The following SP4 variants were observed in gnomAD, a reference collection of about 807,000 sequenced individuals.
SP4 encodes the protein transcription factor Sp4.
In SP4, 19 loss-of-function variants were observed where a neutral mutation model predicts 72.8. The observed-to-expected ratio is 0.26, with a 90% confidence interval of 0.18 to 0.38. The LOEUF is 0.38. Ranked by LOEUF, SP4 falls within the 10% of genes least tolerant of loss-of-function variation. The pLI is 1.00. For missense variants in SP4, 1,008 were observed against 926.3 expected (o/e 1.09, Z -1.14); for synonymous variants, 395 against 333.1 (o/e 1.19, Z -2.02).
Position 21,511,587 on chromosome 7 carries a change from G to T in SP4, c.*318G>T. 4.5e-6 allele frequency: 1 copy of T among 224,042 alleles called. No homozygotes were observed. The highest frequency in any genetic ancestry group is 9.5e-5 in the East Asian group (1 of 10,524). The allele number at this position is 224,042 out of a possible 1,614,324, so 13.9% of individuals were successfully genotyped here. A position where few individuals can be genotyped will look rare whatever the true frequency, so the allele number is the denominator to read the frequency against. On this transcript the variant is annotated 3_prime_UTR_variant, in exon 6 of 6. Transcript: ENST00000222584. ...TGTTAACATGTTTAAAAAGACCTTA[G>T]TAGTTTGCAGGCTGGACCTTAATTG...
chr7:21,428,176 T>TCCAGCCCCCCCCC lies in SP4; in HGVS notation c.-74_-73insAGCCCCCCCCCCC. The TCCAGCCCCCCCCC allele has an allele frequency of 1.4e-6, 1 of 718,776 alleles. No homozygotes were observed. Among genetic ancestry groups the TCCAGCCCCCCCCC allele is most frequent in the Non-Finnish European group, 2.5e-6 (1 of 396,140 alleles). 44.5% of individuals were successfully genotyped at this position (718,776 alleles called of 1,614,324 possible). On this transcript the variant is annotated 5_prime_UTR_variant, in exon 1 of 6. Transcript: ENST00000222584. Reference sequence around the variant, plus strand: ...ACCGCGGGCGGGCGGGACCGGCCTCTCCTCCCGCCTCGCCCCCACCCCCAC... The same window carrying TCCAGCCCCCCCCC: ...ACCGCGGGCGGGCGGGACCGGCCTCTCCAGCCCCCCCCCCCTCCCGCCTCGCCCCCACCCCCAC...
At chr7:21,449,531 A>T (rs1393811622) in intron 3 of SP4, among the ~76,000 whole-genome samples, 3 of 152,186 alleles carry the variant, frequency 2.0e-5, no homozygotes, top group Non-Finnish European at 4.4e-5. Context: ...ACTGAAATAC[A>T]TATGCGTGTA....
intron 3 of SP4, among the ~76,000 whole-genome samples, chr7:21,450,612 T>C (rs548306159): frequency 7.2e-5 from 11 of 152,294 alleles, no homozygotes; most frequent in African/African-American, 2.2e-4. Flanking sequence ...GATATAATTA[T>C]GGTGGAAGAA....
chr7:21,511,090 G>A lies in SP4; in HGVS notation c.2176G>A (p.Val726Ile), dbSNP rs746879556. The A allele has an allele frequency of 1.2e-6, 2 of 1,613,988 alleles. No individual in the cohort carries two copies. Among genetic ancestry groups the A allele is most frequent in the African/African-American group, 2.7e-5 (2 of 74,906 alleles). The change falls in exon 6 of 6, where the codon GTC (valine) becomes ATC (isoleucine). Residue 726 changes from valine (V) to isoleucine (I), a missense_variant. Physicochemically the swap from Val to Ile is conservative, Grantham distance 29. This residue lies in a region of SP4 where 48 missense variants were observed against 117.0 expected (regional missense o/e 0.41). Coordinates refer to ENST00000222584, the MANE Select transcript of SP4 (RefSeq NM_003112.5). Reference sequence around the variant, plus strand: ...GCGGAGTGATCATCTCTCCAAACATGTCAAAACGCACCAGAATAAAAAAGG... The same window carrying A: ...GCGGAGTGATCATCTCTCCAAACATATCAAAACGCACCAGAATAAAAAAGG... ...FMRSDHLSKH[V>I]KTHQNKKGGG...
At chr7:21,444,325 T>G (rs1342488489) in intron 3 of SP4, among the ~76,000 whole-genome samples, 1 of 152,220 alleles carries the variant, frequency 6.6e-6, no homozygotes, top group Non-Finnish European at 1.5e-5. Flanking sequence ...AACCTTATGT[T>G]TGTTTTATAT....
At position 21,498,736 on chromosome 7, in the gene SP4, A is replaced by G. The variant is rs142484621; in HGVS notation, c.2108-12286A>G. On this transcript the variant is annotated intron_variant, in intron 5 of 5. Coordinates refer to ENST00000222584, the MANE Select transcript of SP4 (RefSeq NM_003112.5). ...GCCTTAATGATCATAGTCAATTAAC[A>G]CGTATTTTGCATGTTATATGTATAA... is the stretch of plus-strand genomic sequence containing the variant. 6.6e-4 allele frequency among the ~76,000 whole-genome samples: 101 copies of G among 152,324 alleles called. 2 individuals carry two copies. In the East Asian group the frequency reaches 0.017, roughly 25 times the overall value.
chr7:21,463,828 T>G (rs1784077101), intron 3 of SP4, among the ~76,000 whole-genome samples: 1 of 152,194 alleles, frequency 6.6e-6, no homozygotes, highest in South Asian at 2.1e-4. Flanking sequence ...ATCACTCAAA[T>G]TAGAATACTT....
intron 3 of SP4, among the ~76,000 whole-genome samples, chr7:21,461,543 G>C (rs369178207): frequency 1.1e-4 from 17 of 152,322 alleles, no homozygotes; most frequent in African/African-American, 4.1e-4. Flanking sequence ...TCCAAGTGCA[G>C]GGCCCGCCAA....
intron 3 of SP4, among the ~76,000 whole-genome samples, chr7:21,466,872 G>A (rs1005800890): frequency 1.3e-5 from 2 of 151,634 alleles, no homozygotes; most frequent in Non-Finnish European, 2.9e-5. Flanking sequence ...ATTCCCAAAT[G>A]TATGTAGCTC....
chr7:21,430,544 C>T lies in SP4; in HGVS notation c.1379C>T (p.Thr460Ile). ...NPTQVLIRAP[T>I]LTPSGQISWQ... ...ACTCAGGTGCTTATCAGGGCTCCAA[C>T]TTTAACACCTTCAGGGCAAATCAGT... Residue 460 changes from threonine (T) to isoleucine (I), a missense_variant, in exon 3 of 6, where the codon ACT becomes ATT. Transcript: ENST00000222584. 6.2e-7 allele frequency: 1 copy of T among 1,614,238 alleles called. No homozygotes were observed. The highest frequency in any genetic ancestry group is 8.5e-7 in the Non-Finnish European group (1 of 1,180,032).
chr7:21,429,968 T>G lies in SP4; in HGVS notation c.803T>G (p.Leu268Trp). Residue 268 changes from leucine (L) to tryptophan (W), a missense_variant, in exon 3 of 6, where the codon TTG becomes TGG. Around this residue, in one of 3 missense-constraint regions of SP4, gnomAD observed 893 missense variants for 743.3 expected, o/e 1.20. Transcript: ENST00000222584. ...AACATTGGAGGAGTGACTCTAGCTT[T>G]GCCAGTGATAAACAACGTGGCTGCC... Reference protein sequence around the residue: ...PINIGGVTLALPVINNVAAGG... With the variant: ...PINIGGVTLAWPVINNVAAGG... 1 of 1,614,216 alleles carries G rather than the reference T, an allele frequency of 6.2e-7. No homozygotes were observed. The highest frequency in any genetic ancestry group is 1.7e-5 in the Admixed American group (1 of 60,030).
chr7:21,439,788 C>T (rs1441423687), intron 3 of SP4, among the ~76,000 whole-genome samples: 2 of 152,118 alleles, frequency 1.3e-5, no homozygotes, highest in African/African-American at 4.8e-5. Flanking sequence ...GTCCCAGCCA[C>T]TCAGGTGGCT....
At chr7:21,494,983 C>T (rs1684472471) in intron 5 of SP4, among the ~76,000 whole-genome samples, 1 of 152,030 alleles carries the variant, frequency 6.6e-6, no homozygotes, top group African/African-American at 2.4e-5. Context: ...AAAAACAGTT[C>T]AGTAAAGAAA....
At chr7:21,432,981 G>T (rs932953635) in intron 3 of SP4, among the ~76,000 whole-genome samples, 4 of 152,136 alleles carry the variant, frequency 2.6e-5, no homozygotes, top group African/African-American at 4.8e-5. Flanking sequence ...GTGACAGAGC[G>T]AGACCCTCTC....
chr7:21,432,039 A>G (rs1782875960), intron 3 of SP4, among the ~76,000 whole-genome samples: 3 of 152,260 alleles, frequency 2.0e-5, no homozygotes, highest in African/African-American at 7.2e-5. Flanking sequence ...AGCGCTATCC[A>G]GCAGAACTGT....
At chr7:21,445,530 G>C (rs978949770) in intron 3 of SP4, among the ~76,000 whole-genome samples, 5 of 152,080 alleles carry the variant, frequency 3.3e-5, no homozygotes, top group Admixed American at 6.6e-5. Context: ...ATCGCATATT[G>C]TTCTAGGTGC....
chr7:21,429,939 A>T lies in SP4; in HGVS notation c.774A>T (p.Pro258=). Residue 258 remains proline (P), a synonymous_variant, in exon 3 of 6, where the codon CCA becomes CCT. Transcript: ENST00000222584. ...GTQAQVVTTL[P]INIGGVTLAL... is the part of the protein sequence containing the mutation. ...AGGCTCAAGTTGTAACAACCCTACC[A>T]ATTAACATTGGAGGAGTGACTCTAG... is the stretch of plus-strand genomic sequence containing the variant. 1 of 1,614,158 alleles carries T rather than the reference A, an allele frequency of 6.2e-7. No homozygotes were observed. Among genetic ancestry groups the T allele is most frequent in the South Asian group, 1.1e-5 (1 of 91,086 alleles).
At chr7:21,444,588 G>A (rs1783362765) in intron 3 of SP4, among the ~76,000 whole-genome samples, 1 of 152,154 alleles carries the variant, frequency 6.6e-6, no homozygotes, top group Admixed American at 6.5e-5. Flanking sequence ...TCTGTATACT[G>A]TAGTGTTTGT....
rs1583457027 is a variant in SP4, at chr7:21,513,985, G to A, written c.*2716G>A. ...CTGTTATAAGTAATAGGGCACAGAT[G>A]TGCAGTAGAGTCTTGTTTAATGGCA... On this transcript the variant is annotated 3_prime_UTR_variant, in exon 6 of 6. Coordinates refer to ENST00000222584, the MANE Select transcript of SP4 (RefSeq NM_003112.5). 1 of 152,608 alleles carries A rather than the reference G, an allele frequency of 6.6e-6. No individual in the cohort carries two copies. Among genetic ancestry groups the A allele is most frequent in the Admixed American group, 6.5e-5 (1 of 15,288 alleles). 9.5% of individuals were successfully genotyped at this position (152,608 alleles called of 1,614,324 possible).
Sources: allele counts gnomAD v4.1 joint callset (sites outside exome capture counted in the v4.1 genomes callset), GRCh38; gene constraint gnomAD v4.1.1; regional missense constraint gnomAD v4.1.1; transcripts MANE v1.5; gene names NCBI Gene and HGNC (gene_info 2026-07-23, HGNC 2026-07-21).